The following C12orf42 variants were observed in gnomAD, a reference collection of about 807,000 sequenced individuals.
C12orf42 encodes uncharacterized protein C12orf42.
A neutral mutation model predicts 21.6 loss-of-function variants in C12orf42; 25 were observed. The observed-to-expected ratio is 1.16, with a 90% confidence interval of 0.84 to 1.62. The LOEUF is 1.62. Ranked by LOEUF, C12orf42 falls within the 40% of genes most tolerant of loss-of-function variation. C12orf42 has a pLI of 0.00. For synonymous variants in C12orf42, 174 were observed against 175.0 expected, an observed-to-expected ratio of 0.99 and a Z score of 0.05; for missense variants, 483 against 459.3, an observed-to-expected ratio of 1.05 and a Z score of -0.47.
chr12:103,456,377 A>G (rs1952293890), intron 2 of C12orf42: 1 of 152,180 alleles, frequency 6.6e-6, no homozygotes, highest in Non-Finnish European at 1.5e-5. Flanking sequence ...TCTACTTCAG[A>G]TGTTGTCACT....
At chr12:103,158,310 A>G in the C12orf42 span, among the ~76,000 whole-genome samples, 26 of 152,054 alleles carry the variant, frequency 1.7e-4, no homozygotes, top group Non-Finnish European at 3.4e-4. Flanking sequence ...ACCACATCAC[A>G]TTGCCCATGG....
At chr12:103,227,669 G>A in the C12orf42 span, among the ~76,000 whole-genome samples, 2 of 152,148 alleles carry the variant, frequency 1.3e-5, no homozygotes, top group Admixed American at 1.3e-4. Context: ...TTGCCGCTAA[G>A]GGTGAAGGAC....
chr12:103,475,338 A>C (rs1390900102), intron 2 of C12orf42, among the ~76,000 whole-genome samples: 1 of 152,220 alleles, frequency 6.6e-6, no homozygotes, highest in South Asian at 2.1e-4. Context: ...CATGCAAAAC[A>C]ATATGGTGGG....
chr12:103,141,174 C>T, the C12orf42 span, among the ~76,000 whole-genome samples: 1 of 152,004 alleles, frequency 6.6e-6, no homozygotes, highest in Admixed American at 6.5e-5. Flanking sequence ...TGACCTATAA[C>T]ATTTGACCTG....
At chr12:103,359,261 T>G (rs1280880043) in intron 4 of C12orf42, among the ~76,000 whole-genome samples, 1 of 152,142 alleles carries the variant, frequency 6.6e-6, no homozygotes, top group East Asian at 1.9e-4. Context: ...TTCATTGAAG[T>G]GTAATTTGTA....
intron 4 of C12orf42, among the ~76,000 whole-genome samples, chr12:103,350,827 G>T (rs2043043679): frequency 6.6e-6 from 1 of 152,086 alleles, no homozygotes. Flanking sequence ...AATCTAATCT[G>T]TCTGAATACC....
the C12orf42 span, among the ~76,000 whole-genome samples, chr12:103,521,696 AT>A: frequency 6.6e-6 from 1 of 152,182 alleles, no homozygotes; most frequent in African/African-American, 2.4e-5. Flanking sequence ...ATTTAATTTA[AT>A]TTTTAAAAAA....
intron 4 of C12orf42, among the ~76,000 whole-genome samples, chr12:103,311,217 C>T (rs531269464): frequency 1.3e-5 from 2 of 151,820 alleles, no homozygotes; most frequent in African/African-American, 4.8e-5. Flanking sequence ...TGTGTGTATT[C>T]CTTATACTTA....
the C12orf42 span, among the ~76,000 whole-genome samples, chr12:103,508,055 A>G: frequency 6.6e-6 from 1 of 152,180 alleles, no homozygotes; most frequent in Non-Finnish European, 1.5e-5. Flanking sequence ...TCCAAATGTT[A>G]TCCATACAAT....
the C12orf42 span, among the ~76,000 whole-genome samples, chr12:103,082,376 C>G: frequency 5.3e-5 from 8 of 152,208 alleles, no homozygotes; most frequent in African/African-American, 1.9e-4. Context: ...TAATTATGGC[C>G]TAACCAAATC....
the C12orf42 span, among the ~76,000 whole-genome samples, chr12:103,139,564 C>T: frequency 6.6e-6 from 1 of 150,906 alleles, no homozygotes. Flanking sequence ...AGCAAAAAGA[C>T]CAAAAAAAAT....
chr12:103,248,172 A>G (rs2034105055), intron 10 of C12orf42, among the ~76,000 whole-genome samples: 1 of 152,050 alleles, frequency 6.6e-6, no homozygotes, highest in South Asian at 2.1e-4. Flanking sequence ...TTTGAAATTT[A>G]TAAGAAGGAT....
At chr12:103,339,343 C>T (rs1426038161) in intron 4 of C12orf42, among the ~76,000 whole-genome samples, 3 of 152,260 alleles carry the variant, frequency 2.0e-5, no homozygotes, top group East Asian at 1.9e-4. Context: ...TTCTCCCCAT[C>T]GTCTCCCTCC....
chr12:103,078,463 T>C, the C12orf42 span, among the ~76,000 whole-genome samples: 3 of 152,192 alleles, frequency 2.0e-5, no homozygotes, highest in African/African-American at 7.2e-5. Flanking sequence ...GCTACTATAT[T>C]CTATAAACCC....
intron 2 of C12orf42, among the ~76,000 whole-genome samples, chr12:103,441,022 C>T (rs1951202768): frequency 6.6e-6 from 1 of 152,106 alleles, no homozygotes; most frequent in Non-Finnish European, 1.5e-5. Flanking sequence ...AAAAAATAAA[C>T]TACTTTTCAT....
At chr12:103,408,923 T>C (rs1441723549) in intron 2 of C12orf42, among the ~76,000 whole-genome samples, 1 of 152,222 alleles carries the variant, frequency 6.6e-6, no homozygotes, top group African/African-American at 2.4e-5. Context: ...AATTTCATTA[T>C]AAATAAATGC....
chr12:103,143,219 G>A, the C12orf42 span, among the ~76,000 whole-genome samples: 1 of 152,178 alleles, frequency 6.6e-6, no homozygotes, highest in Non-Finnish European at 1.5e-5. Flanking sequence ...CTAAGCCAGC[G>A]ACAGCATTTC....
chr12:103,409,030 C>T (rs2048629976), intron 2 of C12orf42, among the ~76,000 whole-genome samples: 1 of 152,150 alleles, frequency 6.6e-6, no homozygotes, highest in East Asian at 1.9e-4. Flanking sequence ...TTTTAGTTAA[C>T]CGCATATTTC....
At chr12:103,199,583 A>T in the C12orf42 span, among the ~76,000 whole-genome samples, 1 of 152,238 alleles carries the variant, frequency 6.6e-6, no homozygotes, top group African/African-American at 2.4e-5. Context: ...TTAATACCCA[A>T]AATAGGTAAA....
Sources: allele counts gnomAD v4.1 joint callset (sites outside exome capture counted in the v4.1 genomes callset), GRCh38; gene constraint gnomAD v4.1.1; transcripts MANE v1.5; gene names NCBI Gene and HGNC (gene_info 2026-07-23, HGNC 2026-07-21).